Variants in GRID2 observed in about 807,000 individuals in gnomAD.
The protein encoded by GRID2 is glutamate receptor ionotropic, delta-2.
GRID2 carries 33 observed loss-of-function variants against 114.8 expected under a neutral mutation model. That is an observed-to-expected ratio of 0.29 (90% CI 0.22 to 0.38). The LOEUF is 0.38. Ranked by LOEUF, GRID2 falls within the 10% of genes least tolerant of loss-of-function variation. The pLI is 1.00. For missense variants in GRID2, 1,184 were observed against 1,257.7 expected, an observed-to-expected ratio of 0.94 and a Z score of 0.89; for synonymous variants, 505 against 449.9, an observed-to-expected ratio of 1.12 and a Z score of -1.55.
chr4:93,561,305 G>T (rs528395258), intron 13 of GRID2, among the ~76,000 whole-genome samples: 1 of 152,062 alleles, frequency 6.6e-6, no homozygotes, highest in Non-Finnish European at 1.5e-5. Context: ...TTTTTAGAGA[G>T]TACTAACAGA....
intron 2 of GRID2, among the ~76,000 whole-genome samples, chr4:92,971,093 C>T (rs1753485732): frequency 6.6e-6 from 1 of 151,848 alleles, no homozygotes; most frequent in African/African-American, 2.4e-5. Flanking sequence ...GCTTTGGCCC[C>T]TCAAAATGTT....
At chr4:92,408,321 T>G (rs2110294851) in intron 1 of GRID2, among the ~76,000 whole-genome samples, 1 of 151,824 alleles carries the variant, frequency 6.6e-6, no homozygotes, top group Admixed American at 6.6e-5. Flanking sequence ...TTTTATACCA[T>G]ACCATGCTGT....
At chr4:92,419,943 TA>T (rs746924890) in intron 1 of GRID2, among the ~76,000 whole-genome samples, 10 of 152,082 alleles carry the variant, frequency 6.6e-5, no homozygotes, top group Non-Finnish European at 1.3e-4. Flanking sequence ...TCTGAAAATA[TA>T]AAAATGAAAT....
intron 1 of GRID2, among the ~76,000 whole-genome samples, chr4:92,461,775 T>C (rs1157310489): frequency 6.6e-6 from 1 of 152,016 alleles, no homozygotes; most frequent in East Asian, 1.9e-4. Flanking sequence ...TCTTTTTTAA[T>C]ATATTAGAAG....
At chr4:92,953,535 T>TC (rs1361581157) in intron 2 of GRID2, among the ~76,000 whole-genome samples, 1 of 152,184 alleles carries the variant, frequency 6.6e-6, no homozygotes, top group East Asian at 1.9e-4. Context: ...TATTATATTT[T>TC]CTCTTTGTTC....
At chr4:92,793,019 CAT>C (rs562354278) in intron 2 of GRID2, among the ~76,000 whole-genome samples, 136 of 151,056 alleles carry the variant, frequency 9.0e-4, no homozygotes, top group African/African-American at 3.2e-3. Flanking sequence ...ATTCCAGAAT[CAT>C]AACATTTTGC....
intron 2 of GRID2, among the ~76,000 whole-genome samples, chr4:92,848,061 T>C (rs1268515779): frequency 6.6e-6 from 1 of 151,988 alleles, no homozygotes; most frequent in Non-Finnish European, 1.5e-5. Context: ...TTGAAGTAAT[T>C]TACATCTATA....
At chr4:92,578,373 G>GT (rs1184029212) in intron 1 of GRID2, among the ~76,000 whole-genome samples, 3 of 145,784 alleles carry the variant, frequency 2.1e-5, no homozygotes, top group Admixed American at 7.2e-5. Context: ...GAAGTGTTTG[G>GT]TTTTTTGTCC....
chr4:92,743,960 A>G lies in GRID2; in HGVS notation c.244+153674A>G, dbSNP rs531473931. ...TAAGTCTATTTGACCGCTTGATATG[A>G]TGCTCCTTAGTTCTCTATTCAAATT... On this transcript the variant is annotated intron_variant, in intron 2 of 15. Coordinates refer to ENST00000282020, the MANE Select transcript of GRID2 (RefSeq NM_001510.4). 3.7e-4 allele frequency among the ~76,000 whole-genome samples: 57 copies of G among 152,250 alleles called. No individual in the cohort carries two copies. In the South Asian group the frequency reaches 5.6e-3, roughly 15 times the overall value.
intron 1 of GRID2, among the ~76,000 whole-genome samples, chr4:93,806,111 CA>C (rs954251544): frequency 6.6e-6 from 1 of 151,510 alleles, no homozygotes; most frequent in African/African-American, 2.4e-5. Context: ...AAAAAATAAA[CA>C]AAAAAAAGCG....
chr4:93,631,403 C>A (rs947019289), intron 14 of GRID2, among the ~76,000 whole-genome samples: 1 of 152,112 alleles, frequency 6.6e-6, no homozygotes, highest in African/African-American at 2.4e-5. Flanking sequence ...GTGTGATGCT[C>A]CCCTTCCCGT....
At chr4:93,239,662 T>A (rs766921425) in intron 8 of GRID2, among the ~76,000 whole-genome samples, 25 of 151,506 alleles carry the variant, frequency 1.7e-4, no homozygotes, top group Admixed American at 4.0e-4. Flanking sequence ...AACACAAAGT[T>A]TAGTGAATTA....
At chr4:93,259,507 C>T (rs1750007552) in intron 8 of GRID2, among the ~76,000 whole-genome samples, 1 of 151,760 alleles carries the variant, frequency 6.6e-6, no homozygotes, top group East Asian at 1.9e-4. Context: ...TTTTTACATA[C>T]ATGAAATTTA....
At chr4:92,969,764 G>A (rs187377815) in intron 2 of GRID2, among the ~76,000 whole-genome samples, 45 of 151,872 alleles carry the variant, frequency 3.0e-4, no homozygotes, top group African/African-American at 1.0e-3. Context: ...TTTCTCTAGT[G>A]AAGAAATGCT....
At chr4:93,749,680 G>A (rs767591478) in intron 14 of GRID2, among the ~76,000 whole-genome samples, 1 of 152,070 alleles carries the variant, frequency 6.6e-6, no homozygotes. Flanking sequence ...AGCCACCTCC[G>A]CTATGACACT....
chr4:92,309,463 CATTT>C (rs1464689237), intron 1 of GRID2, among the ~76,000 whole-genome samples: 2 of 151,300 alleles, frequency 1.3e-5, no homozygotes, highest in African/African-American at 4.8e-5. Context: ...TTAGAAAATA[CATTT>C]ATGGCCTATA....
chr4:92,336,100 A>G (rs1483117431), intron 1 of GRID2, among the ~76,000 whole-genome samples: 5 of 152,186 alleles, frequency 3.3e-5, no homozygotes, highest in Non-Finnish European at 7.3e-5. Flanking sequence ...TCTATGTTAT[A>G]CAAGTACATA....
chr4:93,602,094 C>T (rs13120609), intron 13 of GRID2, among the ~76,000 whole-genome samples: 28,889 of 152,142 alleles, frequency 0.19, 3,191 homozygotes, highest in Middle Eastern at 0.33. Flanking sequence ...ATATTGCCAA[C>T]ACCAAGTCCT....
At chr4:93,111,415 C>T (rs1732750471) in intron 4 of GRID2, among the ~76,000 whole-genome samples, 1 of 152,120 alleles carries the variant, frequency 6.6e-6, no homozygotes, top group Non-Finnish European at 1.5e-5. Context: ...GAACTTTGTA[C>T]CAACACAAAT....
Sources: allele counts gnomAD v4.1 joint callset (sites outside exome capture counted in the v4.1 genomes callset), GRCh38; gene constraint gnomAD v4.1.1; transcripts MANE v1.5; gene names NCBI Gene and HGNC (gene_info 2026-07-23, HGNC 2026-07-21).